Variants in FRMD6 observed in about 807,000 individuals in gnomAD.
FRMD6 encodes the protein FERM domain containing 6.
In FRMD6, 37 loss-of-function variants were observed where a neutral mutation model predicts 73.2. The observed-to-expected ratio is 0.51, with a 90% confidence interval of 0.39 to 0.66. FRMD6 has a LOEUF of 0.66. Among genes scored for constraint, FRMD6 ranks in the 30% least tolerant of loss-of-function variants. The pLI, the probability that FRMD6 is intolerant of heterozygous loss-of-function variation, is 0.00. For synonymous variants in FRMD6, 273 were observed against 282.2 expected (o/e 0.97, Z 0.33); for missense variants, 714 against 780.5 (o/e 0.91, Z 1.02).
chr14:51,456,546 C>G, the FRMD6 span, among the ~76,000 whole-genome samples: 1 of 152,174 alleles, frequency 6.6e-6, no homozygotes, highest in East Asian at 1.9e-4. Context: ...TTTATCCAGT[C>G]TATCATTGAT....
chr14:51,633,210 C>T (rs1037163323), intron 2 of FRMD6, among the ~76,000 whole-genome samples: 2 of 151,516 alleles, frequency 1.3e-5, no homozygotes, highest in African/African-American at 4.9e-5. Context: ...GATTTCTTAG[C>T]CCCAAATCTA....
intron 2 of FRMD6, among the ~76,000 whole-genome samples, chr14:51,637,176 C>A (rs891686761): frequency 1.3e-5 from 2 of 152,088 alleles, no homozygotes; most frequent in East Asian, 1.9e-4. Context: ...GAGTTGTAAT[C>A]CTGCCACTGC....
At chr14:51,402,556 C>T in the FRMD6 span, among the ~76,000 whole-genome samples, 1 of 152,172 alleles carries the variant, frequency 6.6e-6, no homozygotes, top group African/African-American at 2.4e-5. Flanking sequence ...GATTGTGAGG[C>T]TTCCCCAGCC....
chr14:51,480,136 C>T, the FRMD6 span, among the ~76,000 whole-genome samples: 2 of 152,116 alleles, frequency 1.3e-5, no homozygotes, highest in Admixed American at 6.6e-5. Context: ...CAGGGCTTGG[C>T]TTGCAGAGTG....
the FRMD6 span, among the ~76,000 whole-genome samples, chr14:51,435,748 A>G: frequency 2.0e-5 from 3 of 152,182 alleles, no homozygotes; most frequent in African/African-American, 7.2e-5. Flanking sequence ...TGGGGTGATG[A>G]TAGTTATTAT....
intron 2 of FRMD6, among the ~76,000 whole-genome samples, chr14:51,631,270 A>ACCT (rs1482864153): frequency 6.6e-6 from 1 of 152,180 alleles, no homozygotes; most frequent in Non-Finnish European, 1.5e-5. Context: ...TATAGAAGGA[A>ACCT]CGGAGCACTT....
At chr14:51,405,636 G>A in the FRMD6 span, among the ~76,000 whole-genome samples, 13 of 151,868 alleles carry the variant, frequency 8.6e-5, no homozygotes, top group South Asian at 2.3e-3. Flanking sequence ...GTCAGTTCAC[G>A]TCCTCTGCCC....
At chr14:51,523,089 T>A (rs1885037785) in intron 1 of FRMD6, 1 of 152,212 alleles carries the variant, frequency 6.6e-6, no homozygotes, top group South Asian at 2.1e-4. Flanking sequence ...CTCTGTAGTT[T>A]TAAATTTTCA....
intron 1 of FRMD6, among the ~76,000 whole-genome samples, chr14:51,660,667 C>A: frequency 6.7e-6 from 1 of 148,344 alleles, no homozygotes. Flanking sequence ...TATTAGGAGG[C>A]AATCAGCATA....
At chr14:51,544,184 C>T (rs1036222255) in intron 1 of FRMD6, among the ~76,000 whole-genome samples, 12 of 151,870 alleles carry the variant, frequency 7.9e-5, no homozygotes, top group South Asian at 6.2e-4. Context: ...CAGATAAGAA[C>T]GCTTAAAAAA....
the FRMD6 span, among the ~76,000 whole-genome samples, chr14:51,397,720 T>C: frequency 0.4 from 60,617 of 152,048 alleles, 12,572 homozygotes; most frequent in African/African-American, 0.46. Context: ...TCGCGCCACA[T>C]GTAGAAAATT....
Position 51,691,627 on chromosome 14 carries a change from C to G in FRMD6, c.99+1692C>G, listed in dbSNP as rs1287851849. On this transcript the variant is annotated intron_variant, in intron 2 of 13. Coordinates refer to ENST00000344768, the MANE Select transcript of FRMD6 (RefSeq NM_001267046.2). ...TTTTTTTTTTTGAGTCAGAGTCTTTCTCTGCTGTCCAGGCTGCAGTGCAGT... is the reference window on the plus strand; with the variant it reads ...TTTTTTTTTTTGAGTCAGAGTCTTTGTCTGCTGTCCAGGCTGCAGTGCAGT... 4.6e-5 allele frequency among the ~76,000 whole-genome samples: 4 copies of G among 86,862 alleles called. No homozygotes were observed. The East Asian group carries it at 1.4e-3, about 30-fold the overall frequency. 57.0% of individuals were successfully genotyped at this position (86,862 alleles called of 152,430 possible).
At chr14:51,477,755 T>C in the FRMD6 span, among the ~76,000 whole-genome samples, 4 of 97,916 alleles carry the variant, frequency 4.1e-5, no homozygotes, top group East Asian at 6.1e-4. Flanking sequence ...TTTTTTTTTT[T>C]TGGAGACAGA....
chr14:51,658,183 G>A (rs1269223250), intron 1 of FRMD6, among the ~76,000 whole-genome samples: 1 of 152,208 alleles, frequency 6.6e-6, no homozygotes, highest in Admixed American at 6.5e-5. Context: ...TAATGCAAAG[G>A]TATTCTATGG....
the FRMD6 span, chr14:51,437,038 C>T: frequency 2.0e-6 from 1 of 506,434 alleles, no homozygotes; most frequent in Admixed American, 2.7e-5. Context: ...GCACAACGTG[C>T]AAGTTTGTTA....
At chr14:51,682,108 A>C (rs1370396250) in intron 1 of FRMD6, among the ~76,000 whole-genome samples, 1 of 152,166 alleles carries the variant, frequency 6.6e-6, no homozygotes, top group Non-Finnish European at 1.5e-5. Flanking sequence ...GTTTGCCTTA[A>C]ATGAATTTTG....
the FRMD6 span, among the ~76,000 whole-genome samples, chr14:51,477,737 CTTTTTT>C: frequency 2.2e-4 from 29 of 134,210 alleles, no homozygotes; most frequent in Non-Finnish European, 3.7e-4. Flanking sequence ...TTTTCTTTTT[CTTTTTT>C]TTTTTTTTTT....
the FRMD6 span, among the ~76,000 whole-genome samples, chr14:51,435,480 C>A: frequency 2.0e-5 from 3 of 148,624 alleles, no homozygotes; most frequent in East Asian, 2.0e-4. Flanking sequence ...TAAAGAGGAA[C>A]AAAGGGAAGT....
chr14:51,526,655 C>T (rs545285724), intron 1 of FRMD6, among the ~76,000 whole-genome samples: 3 of 152,316 alleles, frequency 2.0e-5, no homozygotes, highest in East Asian at 3.9e-4. Context: ...GACCCATGAG[C>T]AAGCCCATTT....
Sources: allele counts gnomAD v4.1 joint callset (sites outside exome capture counted in the v4.1 genomes callset), GRCh38; gene constraint gnomAD v4.1.1; transcripts MANE v1.5; gene names NCBI Gene and HGNC (gene_info 2026-07-23, HGNC 2026-07-21).